MBNL1: variants seen among roughly 807,000 people sequenced by gnomAD.
MBNL1 encodes the protein muscleblind like splicing regulator 1, also known as muscleblind-like protein 1.
A neutral mutation model predicts 42.2 loss-of-function variants in MBNL1; 8 were observed. The ratio of observed to expected loss-of-function variants is 0.19; its 90% CI spans 0.11 to 0.34. The LOEUF is 0.34. Among genes scored for constraint, MBNL1 ranks in the 10% least tolerant of loss-of-function variants. The pLI is 1.00. For synonymous variants in MBNL1, 169 were observed against 173.9 expected (o/e 0.97, Z 0.22); for missense variants, 309 against 495.3 (o/e 0.62, Z 3.57).
At chr3:152,352,975 G>A (rs1213949711) in intron 2 of MBNL1, among the ~76,000 whole-genome samples, 1 of 152,166 alleles carries the variant, frequency 6.6e-6, no homozygotes, top group East Asian at 1.9e-4. Flanking sequence ...ACTTGTTTAA[G>A]TCTATTTTAT....
At chr3:152,412,346 T>C (rs965730811) in intron 2 of MBNL1, among the ~76,000 whole-genome samples, 26 of 152,206 alleles carry the variant, frequency 1.7e-4, no homozygotes, top group Admixed American at 8.5e-4. Context: ...TTTTCTGCTA[T>C]ATCAGAATCA....
intron 6 of MBNL1, among the ~76,000 whole-genome samples, chr3:152,452,969 C>T (rs1394782601): frequency 1.3e-5 from 2 of 151,830 alleles, no homozygotes; most frequent in African/African-American, 4.8e-5. Flanking sequence ...TGTGTTTATG[C>T]AAAGAAGAGA....
chr3:152,445,333 C>T lies in MBNL1; in HGVS notation c.601C>T (p.Arg201Trp), dbSNP rs1314015479. ...GNCNRGENDC[R>W]FAHPADSTMI... is the part of the protein sequence containing the mutation. ...TTGCAACCGAGGAGAAAATGATTGT[C>T]GGTTTGCTCATCCTGCTGACAGCAC... Residue 201 changes from arginine (R) to tryptophan (W), a missense_variant, in exon 5 of 10, where the codon CGG becomes TGG. By Grantham distance (101) the Arg-to-Trp change is moderately radical. Coordinates refer to ENST00000324210, the MANE Select transcript of MBNL1 (RefSeq NM_021038.5). 6.2e-7 allele frequency: 1 copy of T among 1,614,048 alleles called. No individual in the cohort carries two copies. The highest frequency in any genetic ancestry group is 8.5e-7 in the Non-Finnish European group (1 of 1,179,952).
intron 4 of MBNL1, among the ~76,000 whole-genome samples, chr3:152,435,135 A>G (rs748529646): frequency 2.0e-5 from 3 of 151,588 alleles, no homozygotes. Context: ...CAAGAATGGT[A>G]TTTCCTAGGT....
chr3:152,452,289 A>G (rs1323572394), intron 6 of MBNL1, among the ~76,000 whole-genome samples: 2 of 152,038 alleles, frequency 1.3e-5, no homozygotes, highest in Non-Finnish European at 1.5e-5. Context: ...TTTCCTTTAC[A>G]CCATTTCTTT....
At chr3:152,263,991 A>T (rs945886202), upstream of MBNL1, 1 of 150,990 alleles carries the variant, frequency 6.6e-6, no homozygotes, top group Non-Finnish European at 1.5e-5. Flanking sequence ...TTCCCCAGTT[A>T]TTTCTCACTT....
At chr3:152,264,242 G>A (rs1467735512), upstream of MBNL1, 2 of 152,188 alleles carry the variant, frequency 1.3e-5, no homozygotes, top group African/African-American at 4.8e-5. Context: ...TGTAACCACA[G>A]TACCTAGAAT....
intron 2 of MBNL1, among the ~76,000 whole-genome samples, chr3:152,313,645 A>G (rs561305313): frequency 6.6e-6 from 1 of 152,306 alleles, no homozygotes; most frequent in South Asian, 2.1e-4. Context: ...TCTTTCTCTT[A>G]TGGGAGAAAC....
At chr3:152,331,090 T>C (rs1214997773) in intron 2 of MBNL1, among the ~76,000 whole-genome samples, 1 of 151,812 alleles carries the variant, frequency 6.6e-6, no homozygotes, top group Non-Finnish European at 1.5e-5. Flanking sequence ...TCCTTTTCCC[T>C]CTCTTTCTCT....
intron 2 of MBNL1, among the ~76,000 whole-genome samples, chr3:152,359,859 G>A (rs2095810648): frequency 6.6e-6 from 1 of 152,106 alleles, no homozygotes; most frequent in Admixed American, 6.6e-5. Context: ...CTGTTTTATG[G>A]TGCCTATCTT....
intron 2 of MBNL1, among the ~76,000 whole-genome samples, chr3:152,372,251 T>C (rs1010413398): frequency 6.6e-6 from 1 of 152,178 alleles, no homozygotes; most frequent in African/African-American, 2.4e-5. Context: ...TAGAATGTGC[T>C]CCTTTAGCTC....
intron 2 of MBNL1, among the ~76,000 whole-genome samples, chr3:152,253,178 C>T (rs1380675651): frequency 2.0e-5 from 3 of 152,078 alleles, no homozygotes; most frequent in African/African-American, 7.2e-5. Context: ...CAACATGTCC[C>T]ACATAAAACC....
intron 3 of MBNL1, among the ~76,000 whole-genome samples, chr3:152,421,954 C>T (rs913680066): frequency 4.6e-5 from 7 of 150,654 alleles, no homozygotes; most frequent in South Asian, 2.1e-4. Context: ...AGGAAAAACT[C>T]GTACCGACCA....
chr3:152,274,008 T>C (rs1383178393), intron 1 of MBNL1, among the ~76,000 whole-genome samples: 1 of 152,182 alleles, frequency 6.6e-6, no homozygotes, highest in African/African-American at 2.4e-5. Flanking sequence ...AAATATGAAA[T>C]CTAAATACCA....
intron 8 of MBNL1, among the ~76,000 whole-genome samples, chr3:152,456,648 A>G (rs958203979): frequency 7.9e-5 from 12 of 152,190 alleles, no homozygotes; most frequent in Non-Finnish European, 1.6e-4. Context: ...GCAATTCTCA[A>G]TTGGTTTCAA....
intron 2 of MBNL1, among the ~76,000 whole-genome samples, chr3:152,245,403 T>C (rs1319049538): frequency 6.6e-6 from 1 of 152,176 alleles, no homozygotes; most frequent in African/African-American, 2.4e-5. Flanking sequence ...ACTCTGGCTA[T>C]ATATACATAT....
intron 2 of MBNL1, among the ~76,000 whole-genome samples, chr3:152,248,941 A>G (rs2033862491): frequency 1.3e-5 from 2 of 152,062 alleles, no homozygotes; most frequent in Non-Finnish European, 2.9e-5. Flanking sequence ...TGCAAAGGAC[A>G]TGAACTCATC....
intron 6 of MBNL1, among the ~76,000 whole-genome samples, chr3:152,451,397 A>T (rs1048488936): frequency 1.1e-4 from 17 of 152,042 alleles, no homozygotes; most frequent in Non-Finnish European, 2.4e-4. Flanking sequence ...TCCTCCTATC[A>T]TTCTGTTCTC....
At chr3:152,403,360 A>G (rs1038961425) in intron 2 of MBNL1, among the ~76,000 whole-genome samples, 33 of 152,180 alleles carry the variant, frequency 2.2e-4, no homozygotes, top group African/African-American at 5.1e-4. Context: ...TCAAGTATCT[A>G]TGCTTAACGT....
Sources: allele counts gnomAD v4.1 joint callset (sites outside exome capture counted in the v4.1 genomes callset), GRCh38; gene constraint gnomAD v4.1.1; transcripts MANE v1.5; gene names NCBI Gene and HGNC (gene_info 2026-07-23, HGNC 2026-07-21).